Variants in PGGT1B observed in about 807,000 individuals in gnomAD.
PGGT1B encodes geranylgeranyl transferase type-1 subunit beta.
PGGT1B carries 30 observed loss-of-function variants against 46.1 expected under a neutral mutation model. The ratio of observed to expected loss-of-function variants is 0.65; its 90% CI spans 0.49 to 0.88. PGGT1B has a LOEUF of 0.88. PGGT1B is among the 40% of genes least tolerant of loss of function. PGGT1B has a pLI of 0.00. For synonymous variants in PGGT1B, 170 were observed against 160.0 expected (o/e 1.06, Z -0.47); for missense variants, 376 against 455.9 (o/e 0.82, Z 1.60).
At chr5:115,261,302 T>C (rs1174101153) in intron 1 of PGGT1B, among the ~76,000 whole-genome samples, 1 of 152,132 alleles carries the variant, frequency 6.6e-6, no homozygotes, top group Non-Finnish European at 1.5e-5. Context: ...AACGTTTCAC[T>C]CTTTCTTTTG....
rs1756089831 is a variant in PGGT1B at position 115,207,180 on chromosome 5, C to CATATATATATAGATATATATATATATAT, written c.*5221_*5222insATATATATATATATATCTATATATATAT. On this transcript the variant is annotated 3_prime_UTR_variant, in exon 9 of 9. Coordinates refer to ENST00000419445, the MANE Select transcript of PGGT1B (RefSeq NM_005023.4). ...ACTAGTTTAGGTTTGCATATACATA[C>CATATATATATAGATATATATATATATAT]ATATATATATATATATATATATATA... 1 of 89,950 alleles carries CATATATATATAGATATATATATATATAT rather than the reference C, an allele frequency of 1.1e-5. No individual in the cohort carries two copies. Among genetic ancestry groups the CATATATATATAGATATATATATATATAT allele is most frequent in the African/African-American group, 4.1e-5 (1 of 24,490 alleles). 5.6% of individuals were successfully genotyped at this position (89,950 alleles called of 1,614,324 possible).
At chr5:115,261,140 T>C (rs1199109703) in intron 1 of PGGT1B, among the ~76,000 whole-genome samples, 3 of 152,182 alleles carry the variant, frequency 2.0e-5, no homozygotes, top group Non-Finnish European at 2.9e-5. Context: ...TCACATAAAA[T>C]TAATCCCTAT....
intron 2 of PGGT1B, 153 bp downstream of exon 2, chr5:115,252,984 T>A (rs1748168538): frequency 1.6e-6 from 1 of 640,084 alleles, no homozygotes; most frequent in South Asian, 2.0e-5. Flanking sequence ...TTAAGTACTG[T>A]ATTTCAACAG....
chr5:115,241,870 C>T (rs1260137661), intron 2 of PGGT1B, among the ~76,000 whole-genome samples: 2 of 152,076 alleles, frequency 1.3e-5, no homozygotes, highest in African/African-American at 2.4e-5. Context: ...CTATACAGTC[C>T]TTTCATACTT....
chr5:115,231,024 GA>G lies in PGGT1B; in HGVS notation c.613-4del. 1 of 1,508,986 alleles carries G rather than the reference GA, an allele frequency of 6.6e-7. No individual in the cohort carries two copies. Among genetic ancestry groups the G allele is most frequent in the Non-Finnish European group, 9.0e-7 (1 of 1,107,976 alleles). The allele number at this position is 1,508,986 out of a possible 1,614,324, so 93.5% of individuals were successfully genotyped here. A position where few individuals can be genotyped will look rare whatever the true frequency, so the allele number is the denominator to read the frequency against. On this transcript the variant is annotated splice_region_variant and splice_polypyrimidine_tract_variant and intron_variant, in intron 5 of 8. Transcript: ENST00000419445. ...TGTGCCAGTCCATTGTCATAGGACTGAAAAAGAAAAACATTGTTCAGTTTAA... is the reference window on the plus strand; with the variant it reads ...TGTGCCAGTCCATTGTCATAGGACTGAAAAGAAAAACATTGTTCAGTTTAA...
Position 115,210,940 on chromosome 5 carries a change from A to G in PGGT1B, c.*1462T>C, listed in dbSNP as rs994686225. ...TTAAAACTAAGCATGCCAATAATAA[A>G]TCAATCATTTCTCCAAGTACACAGT... On this transcript the variant is annotated 3_prime_UTR_variant, in exon 9 of 9. Coordinates refer to ENST00000419445, the MANE Select transcript of PGGT1B (RefSeq NM_005023.4). 7 of 152,110 alleles carry G rather than the reference A, an allele frequency of 4.6e-5. No homozygotes were observed. Among genetic ancestry groups the G allele is most frequent in the African/African-American group, 1.7e-4 (7 of 41,462 alleles). 9.4% of individuals were successfully genotyped at this position (152,110 alleles called of 1,614,324 possible).
At position 115,236,326 on chromosome 5, in the gene PGGT1B, A is replaced by G. The variant is rs1003445458; in HGVS notation, c.612+64T>C. On this transcript the variant is annotated intron_variant, in intron 5 of 8. Transcript: ENST00000419445. Reference sequence around the variant, plus strand: ...TGGCGGAAGAGATGAGACATACACTATAATACAGCCCTCATGTACCAGCAA... The same window carrying G: ...TGGCGGAAGAGATGAGACATACACTGTAATACAGCCCTCATGTACCAGCAA... 11 of 1,275,664 alleles carry G rather than the reference A, an allele frequency of 8.6e-6. No homozygotes were observed. The East Asian group carries it at 2.0e-4, about 23-fold the overall frequency. The allele number at this position is 1,275,664 out of a possible 1,614,324, so 79.0% of individuals were successfully genotyped here.
chr5:115,213,176 A>C (rs116523710), intron 8 of PGGT1B, among the ~76,000 whole-genome samples: 100 of 152,344 alleles, frequency 6.6e-4, no homozygotes, highest in Non-Finnish European at 1.2e-3. Flanking sequence ...AGTCATTGTA[A>C]AAATATCTGA....
chr5:115,261,285 G>T (rs1159352169), intron 1 of PGGT1B, among the ~76,000 whole-genome samples: 1 of 152,122 alleles, frequency 6.6e-6, no homozygotes, highest in Non-Finnish European at 1.5e-5. Flanking sequence ...GAGGAGGAAG[G>T]AATATAAACG....
chr5:115,227,467 G>C (rs1186243866), intron 6 of PGGT1B, among the ~76,000 whole-genome samples: 1 of 152,114 alleles, frequency 6.6e-6, no homozygotes. Context: ...CCATATACTT[G>C]TCATCCAAAT....
intron 1 of PGGT1B, among the ~76,000 whole-genome samples, chr5:115,254,866 G>A (rs1263731990): frequency 3.9e-5 from 6 of 151,978 alleles, no homozygotes. Flanking sequence ...ACAACACACT[G>A]AGATCTATTT....
At chr5:115,236,072 C>T (rs370732380) in intron 5 of PGGT1B, among the ~76,000 whole-genome samples, 7 of 152,088 alleles carry the variant, frequency 4.6e-5, no homozygotes, top group Non-Finnish European at 8.8e-5. Flanking sequence ...TGTCAGGACT[C>T]TCTACTAACT....
chr5:115,204,767 G>A lies in PGGT1B; in HGVS notation c.*7635C>T, dbSNP rs1487719417. 6.6e-6 allele frequency: 1 copy of A among 152,032 alleles called. No individual in the cohort carries two copies. The highest frequency in any genetic ancestry group is 1.5e-5 in the Non-Finnish European group (1 of 67,970). 9.4% of individuals were successfully genotyped at this position (152,032 alleles called of 1,614,324 possible). On this transcript the variant is annotated 3_prime_UTR_variant, in exon 9 of 9. Transcript: ENST00000419445. Reference sequence around the variant, plus strand: ...AGGAACACCATAAAAATAAATAAGTGAATAAATGAATGATGTTCATAGCAA... The same window carrying A: ...AGGAACACCATAAAAATAAATAAGTAAATAAATGAATGATGTTCATAGCAA...
intron 2 of PGGT1B, among the ~76,000 whole-genome samples, chr5:115,246,720 G>A (rs73255491): frequency 0.013 from 2,039 of 152,318 alleles, 48 homozygotes; most frequent in African/African-American, 0.046. Context: ...AAAGCATGAG[G>A]ATAGGGCCTG....
chr5:115,230,353 C>T (rs1756937903), intron 6 of PGGT1B, among the ~76,000 whole-genome samples: 1 of 152,146 alleles, frequency 6.6e-6, no homozygotes, highest in East Asian at 1.9e-4. Flanking sequence ...TGGCCTTTTT[C>T]TTTTTAGAAA....
At chr5:115,250,041 T>G (rs893160322) in intron 2 of PGGT1B, among the ~76,000 whole-genome samples, 2 of 152,170 alleles carry the variant, frequency 1.3e-5, no homozygotes, top group Non-Finnish European at 2.9e-5. Context: ...CAATTCTTTA[T>G]AGTCGATGTT....
Position 115,217,091 on chromosome 5 carries a change from G to C in PGGT1B, c.844-118C>G, listed in dbSNP as rs1756443334. The C allele has an allele frequency of 1.1e-5, 7 of 628,998 alleles. No homozygotes were observed. In the East Asian group the frequency reaches 1.9e-4, roughly 17 times the overall value. The allele number at this position is 628,998 out of a possible 1,614,324, so 39.0% of individuals were successfully genotyped here. A position where few individuals can be genotyped will look rare whatever the true frequency, so the allele number is the denominator to read the frequency against. The stretch of plus-strand genomic sequence containing the variant: ...TCTTTAGCTAAGGTGCTCAGACCAA[G>C]TCTCTGGGGCCTTGAGCACTTTTGA... On this transcript the variant is annotated intron_variant, in intron 7 of 8. Coordinates refer to ENST00000419445, the MANE Select transcript of PGGT1B (RefSeq NM_005023.4).
At chr5:115,227,472 C>T (rs921990376) in intron 6 of PGGT1B, among the ~76,000 whole-genome samples, 45 of 152,164 alleles carry the variant, frequency 3.0e-4, no homozygotes, top group Admixed American at 1.3e-4. Context: ...TACTTGTCAT[C>T]CAAATTCTTC....
Position 115,237,970 on chromosome 5 carries a change from C to G in PGGT1B, c.367G>C (p.Ala123Pro). ...CATGAGAGGCCAGTGTAGGTCATTG[C>G]AATGTGGCCACTATCATAAGGATGA... ...TAHPYDSGHI[A>P]MTYTGLSCLV... The change falls in exon 4 of 9, where the codon GCA becomes CCA. Residue 123 changes from alanine (A) to proline (P), a missense_variant. By Grantham distance (27) the Ala-to-Pro change is conservative. This residue lies in a region of PGGT1B where 222 missense variants were observed against 313.6 expected (regional missense o/e 0.71). Transcript: ENST00000419445. 6.2e-7 allele frequency: 1 copy of G among 1,610,438 alleles called. No homozygotes were observed. The highest frequency in any genetic ancestry group is 8.5e-7 in the Non-Finnish European group (1 of 1,178,018).
Sources: gnomAD v4.1 joint callset for allele counts (sites outside exome capture counted in the v4.1 genomes callset) on GRCh38, gnomAD v4.1.1 for gene constraint, gnomAD v4.1.1 regional missense constraint, MANE v1.5 for transcripts, NCBI Gene and HGNC (gene_info 2026-07-23, HGNC 2026-07-21) for gene names.